Variants in SBF2 observed in about 807,000 individuals in gnomAD.
The protein encoded by SBF2 is myotubularin-related protein 13.
Under a neutral mutation model 225.2 loss-of-function variants are expected in SBF2, and 112 were observed. That is an observed-to-expected ratio of 0.50 (90% confidence interval 0.43 to 0.58). The LOEUF is 0.58. Ranked by LOEUF, SBF2 falls within the 20% of genes least tolerant of loss-of-function variation. SBF2 has a pLI of 0.00. For synonymous variants in SBF2, 763 were observed against 773.3 expected, an observed-to-expected ratio of 0.99 and a Z score of 0.22; for missense variants, 1,996 against 2,206.2, an observed-to-expected ratio of 0.90 and a Z score of 1.91.
At chr11:10,233,344 AT>A (rs1352025445) in intron 1 of SBF2, among the ~76,000 whole-genome samples, 1 of 152,114 alleles carries the variant, frequency 6.6e-6, no homozygotes, top group Non-Finnish European at 1.5e-5. Flanking sequence ...AATAGGAAGA[AT>A]TCTATTCCTG....
At chr11:9,931,002 T>C (rs937748540) in intron 16 of SBF2, among the ~76,000 whole-genome samples, 1 of 152,260 alleles carries the variant, frequency 6.6e-6, no homozygotes, top group African/African-American at 2.4e-5. Flanking sequence ...CACTGCAAGC[T>C]AGCACAGCAG....
chr11:10,218,298 A>G (rs1344691143), intron 1 of SBF2, among the ~76,000 whole-genome samples: 1 of 149,376 alleles, frequency 6.7e-6, no homozygotes, highest in East Asian at 2.0e-4. Context: ...CCACTATCAC[A>G]TGAATAGCAC....
chr11:9,945,404 T>C (rs1344852814), intron 16 of SBF2, among the ~76,000 whole-genome samples: 1 of 152,080 alleles, frequency 6.6e-6, no homozygotes, highest in Admixed American at 6.6e-5. Flanking sequence ...TTGCAGAATA[T>C]TGAAACTGGA....
intron 1 of SBF2, among the ~76,000 whole-genome samples, chr11:10,268,247 T>C (rs1277484692): frequency 6.6e-6 from 1 of 152,200 alleles, no homozygotes; most frequent in Non-Finnish European, 1.5e-5. Flanking sequence ...TCATTAACTA[T>C]ACAGATTTTT....
chr11:9,959,093 C>G lies in SBF2; in HGVS notation c.1860+2864G>C. 3 of 1,486,766 alleles carry G rather than the reference C, an allele frequency of 2.0e-6. No individual in the cohort carries two copies. The African/African-American group carries it at 4.1e-5, about 20-fold the overall frequency. The allele number at this position is 1,486,766 out of a possible 1,614,324, so 92.1% of individuals were successfully genotyped here. A position where few individuals can be genotyped will look rare whatever the true frequency, so the allele number is the denominator to read the frequency against. ...CAGTTCCCAGGAATGGGCTTAGGATCAAAGGTTGCTATCACTCCGAAGTCT... is the reference window on the plus strand; with the variant it reads ...CAGTTCCCAGGAATGGGCTTAGGATGAAAGGTTGCTATCACTCCGAAGTCT... On this transcript the variant is annotated intron_variant, in intron 16 of 39. Transcript: ENST00000256190.
rs76902291 is a variant in SBF2 at position 10,068,605 on chromosome 11, T to C, written c.142-25624A>G. ...TGAAAATACTGTGATATACCTTACG[T>C]AGCTTTTATAAAAAACTATTTTATG... On this transcript the variant is annotated intron_variant, in intron 2 of 39. Coordinates refer to ENST00000256190, the MANE Select transcript of SBF2 (RefSeq NM_030962.4). Among the ~76,000 whole-genome samples, 614 of 152,364 alleles carry C rather than the reference T, an allele frequency of 4.0e-3. 4 individuals carry two copies. Among genetic ancestry groups the C allele is most frequent in the South Asian group, 8.3e-3 (40 of 4,828 alleles).
chr11:10,132,692 A>G (rs969050743), intron 2 of SBF2, among the ~76,000 whole-genome samples: 1 of 148,688 alleles, frequency 6.7e-6, no homozygotes, highest in Non-Finnish European at 1.5e-5. Context: ...AAAGAACGAA[A>G]GAACAAAGCT....
intron 16 of SBF2, among the ~76,000 whole-genome samples, chr11:9,952,415 C>T (rs184514027): frequency 6.6e-6 from 1 of 152,280 alleles, no homozygotes; most frequent in East Asian, 1.9e-4. Context: ...TTTAGCCTCA[C>T]CTTGTCCTTC....
At chr11:10,224,656 C>T (rs760347411) in intron 1 of SBF2, among the ~76,000 whole-genome samples, 20 of 152,092 alleles carry the variant, frequency 1.3e-4, no homozygotes, top group Admixed American at 2.6e-4. Context: ...GGTTTACTCC[C>T]CTTTCTGCAT....
At chr11:10,179,408 C>T (rs1476624456) in intron 2 of SBF2, among the ~76,000 whole-genome samples, 1 of 148,622 alleles carries the variant, frequency 6.7e-6, no homozygotes, top group Non-Finnish European at 1.5e-5. Context: ...AAAAACAAAA[C>T]AAACAAACAA....
intron 13 of SBF2, among the ~76,000 whole-genome samples, chr11:9,976,357 C>A (rs1946682549): frequency 6.6e-6 from 1 of 152,138 alleles, no homozygotes; most frequent in Admixed American, 6.5e-5. Context: ...CAGGCGTGAG[C>A]CACTGCGCCT....
chr11:9,993,396 C>T (rs1044289038), intron 10 of SBF2, among the ~76,000 whole-genome samples: 1 of 152,156 alleles, frequency 6.6e-6, no homozygotes, highest in African/African-American at 2.4e-5. Context: ...ATGTGTTCAG[C>T]TCCCTGAGGT....
At chr11:9,975,702 A>C (rs927345271) in intron 13 of SBF2, among the ~76,000 whole-genome samples, 1 of 152,218 alleles carries the variant, frequency 6.6e-6, no homozygotes, top group Non-Finnish European at 1.5e-5. Flanking sequence ...GTTCAATTTG[A>C]AGCCTATGCT....
chr11:10,132,032 G>A (rs1007132460), intron 2 of SBF2, among the ~76,000 whole-genome samples: 5 of 152,176 alleles, frequency 3.3e-5, no homozygotes, highest in African/African-American at 4.8e-5. Context: ...TGGTACCACT[G>A]TGAGTCTTAG....
At chr11:10,119,332 G>A (rs1044746911) in intron 2 of SBF2, among the ~76,000 whole-genome samples, 3 of 152,016 alleles carry the variant, frequency 2.0e-5, no homozygotes, top group African/African-American at 7.2e-5. Context: ...GAATAAAGTA[G>A]AGACAATTTT....
intron 2 of SBF2, among the ~76,000 whole-genome samples, chr11:10,077,039 T>G (rs1203408861): frequency 6.6e-6 from 1 of 152,118 alleles, no homozygotes; most frequent in Non-Finnish European, 1.5e-5. Context: ...CCACCTCAGC[T>G]GGATCTCGCA....
chr11:10,140,717 T>C (rs1464472208), intron 2 of SBF2, among the ~76,000 whole-genome samples: 1 of 152,152 alleles, frequency 6.6e-6, no homozygotes, highest in African/African-American at 2.4e-5. Context: ...CAGTTTGGAC[T>C]TGAGAGTGGC....
At chr11:9,971,984 G>A (rs981565509) in intron 13 of SBF2, among the ~76,000 whole-genome samples, 1 of 152,164 alleles carries the variant, frequency 6.6e-6, no homozygotes, top group African/African-American at 2.4e-5. Flanking sequence ...ATATGATAGA[G>A]ATAGGTGGCA....
chr11:10,229,410 T>C (rs1958726793), intron 1 of SBF2, among the ~76,000 whole-genome samples: 1 of 152,226 alleles, frequency 6.6e-6, no homozygotes, highest in African/African-American at 2.4e-5. Context: ...GATGTTAGGG[T>C]GTCAATTTTA....
Sources: allele counts gnomAD v4.1 joint callset (sites outside exome capture counted in the v4.1 genomes callset), GRCh38; gene constraint gnomAD v4.1.1; transcripts MANE v1.5; gene names NCBI Gene and HGNC (gene_info 2026-07-23, HGNC 2026-07-21).